The following CDYL2 variants were observed in gnomAD, a reference collection of about 807,000 sequenced individuals.
CDYL2 encodes chromodomain Y like 2, also known as chromodomain Y-like protein 2.
Under a neutral mutation model 49.4 loss-of-function variants are expected in CDYL2, and 23 were observed. The observed-to-expected ratio is 0.47, with a 90% CI of 0.34 to 0.66. The LOEUF (loss-of-function observed/expected upper bound fraction) is 0.66, where lower values mean the gene tolerates loss of function less well. Among genes scored for constraint, CDYL2 ranks in the 30% least tolerant of loss-of-function variants. CDYL2 has a pLI of 0.01. For missense variants in CDYL2, 678 were observed against 656.4 expected (o/e 1.03, Z -0.36); for synonymous variants, 360 against 268.8 (o/e 1.34, Z -3.32).
chr16:80,725,786 C>A (rs897463386), intron 1 of CDYL2, among the ~76,000 whole-genome samples: 1 of 152,226 alleles, frequency 6.6e-6, no homozygotes, highest in East Asian at 1.9e-4. Flanking sequence ...AAGCACGCTG[C>A]CCGCTATTCA....
intron 2 of CDYL2, among the ~76,000 whole-genome samples, chr16:80,654,111 C>T (rs746130271): frequency 6.6e-6 from 1 of 152,148 alleles, no homozygotes; most frequent in Non-Finnish European, 1.5e-5. Context: ...TCTGCTCAGC[C>T]GTGGTGATTT....
intron 1 of CDYL2, among the ~76,000 whole-genome samples, chr16:80,749,247 T>C (rs1416174608): frequency 2.0e-5 from 3 of 152,228 alleles, no homozygotes; most frequent in Admixed American, 1.3e-4. Flanking sequence ...TACCTAGCAA[T>C]GTCTTATTTA....
intron 1 of CDYL2, among the ~76,000 whole-genome samples, chr16:80,730,791 C>T (rs1217947189): frequency 6.6e-6 from 1 of 152,196 alleles, no homozygotes; most frequent in African/African-American, 2.4e-5. Context: ...GAATGAATTA[C>T]TGATACACAC....
intron 1 of CDYL2, among the ~76,000 whole-genome samples, chr16:80,749,623 T>C (rs1222224981): frequency 6.6e-6 from 1 of 152,080 alleles, no homozygotes; most frequent in Non-Finnish European, 1.5e-5. Flanking sequence ...TAATCCAAAT[T>C]ATCAGCTACC....
At chr16:80,704,786 G>T (rs750975749) in intron 1 of CDYL2, among the ~76,000 whole-genome samples, 34 of 152,220 alleles carry the variant, frequency 2.2e-4, no homozygotes, top group Admixed American at 5.2e-4. Context: ...ACAGAGAAAG[G>T]CCACGTGGCT....
intron 1 of CDYL2, among the ~76,000 whole-genome samples, chr16:80,770,468 G>C (rs949848162): frequency 6.6e-6 from 1 of 151,680 alleles, no homozygotes; most frequent in Non-Finnish European, 1.5e-5. Flanking sequence ...ATTGTATGTA[G>C]AAAAACAAAA....
chr16:80,716,756 G>C (rs183852246), intron 1 of CDYL2, among the ~76,000 whole-genome samples: 2 of 152,112 alleles, frequency 1.3e-5, no homozygotes, highest in African/African-American at 2.4e-5. Context: ...ATGGATGATA[G>C]ATGGATGACT....
chr16:80,635,594 C>T lies in CDYL2; in HGVS notation c.617-2358G>A, dbSNP rs139628098. On this transcript the variant is annotated intron_variant, in intron 2 of 6. Coordinates refer to ENST00000570137, the MANE Select transcript of CDYL2 (RefSeq NM_152342.4). Reference sequence around the variant, plus strand: ...CAAACAAATGGAAAAACATTCCATGCTCATGGAAAGGAAGAATCAATATCG... The same window carrying T: ...CAAACAAATGGAAAAACATTCCATGTTCATGGAAAGGAAGAATCAATATCG... Among the ~76,000 whole-genome samples, 5 of 152,268 alleles carry T rather than the reference C, an allele frequency of 3.3e-5. No homozygotes were observed. In the East Asian group the frequency reaches 9.6e-4, roughly 29 times the overall value.
chr16:80,620,999 A>T (rs1397501704), intron 3 of CDYL2, 64 bp from the exon 4 acceptor site: 2 of 1,454,718 alleles, frequency 1.4e-6, no homozygotes, highest in Admixed American at 2.4e-5. Flanking sequence ...GGGCTTTCAG[A>T]CTGCAAGACA....
chr16:80,742,865 G>A (rs1266772411), intron 1 of CDYL2, among the ~76,000 whole-genome samples: 2 of 151,336 alleles, frequency 1.3e-5, no homozygotes, highest in Admixed American at 6.6e-5. Context: ...ATATGAATGG[G>A]TGAGTGGGTA....
At chr16:80,766,559 T>C (rs1351236035) in intron 1 of CDYL2, among the ~76,000 whole-genome samples, 1 of 152,184 alleles carries the variant, frequency 6.6e-6, no homozygotes, top group Non-Finnish European at 1.5e-5. Context: ...TTTTTTATAA[T>C]AACCCAATCC....
intron 6 of CDYL2, among the ~76,000 whole-genome samples, chr16:80,607,375 C>A (rs1171621484): frequency 1.3e-5 from 2 of 152,094 alleles, no homozygotes; most frequent in Non-Finnish European, 2.9e-5. Context: ...AAGGGAGGGG[C>A]AAGGGTCTGG....
chr16:80,610,806 G>T (rs1445176973), intron 5 of CDYL2, among the ~76,000 whole-genome samples: 1 of 152,106 alleles, frequency 6.6e-6, no homozygotes, highest in African/African-American at 2.4e-5. Flanking sequence ...GTCACCTAAG[G>T]GGTGCTTCTC....
intron 2 of CDYL2, among the ~76,000 whole-genome samples, chr16:80,655,840 C>T (rs1445462781): frequency 6.6e-6 from 1 of 152,208 alleles, no homozygotes; most frequent in African/African-American, 2.4e-5. Context: ...AGACTCTGCC[C>T]TCTCACCGAG....
intron 1 of CDYL2, among the ~76,000 whole-genome samples, chr16:80,795,867 T>C (rs1907756020): frequency 6.6e-6 from 1 of 152,192 alleles, no homozygotes; most frequent in South Asian, 2.1e-4. Context: ...AATCAAGGCA[T>C]TTATTTGAAG....
chr16:80,772,203 T>C (rs1906927929), intron 1 of CDYL2, among the ~76,000 whole-genome samples: 1 of 152,016 alleles, frequency 6.6e-6, no homozygotes, highest in South Asian at 2.1e-4. Context: ...ATGAGGAAAA[T>C]TTTACTAAAG....
intron 1 of CDYL2, among the ~76,000 whole-genome samples, chr16:80,769,635 C>T (rs1276120555): frequency 1.3e-5 from 2 of 152,162 alleles, no homozygotes; most frequent in Non-Finnish European, 2.9e-5. Context: ...TCTCCCAGCT[C>T]CCTTCCTCCC....
intron 1 of CDYL2, among the ~76,000 whole-genome samples, chr16:80,796,684 A>G (rs1339768678): frequency 6.6e-6 from 1 of 152,248 alleles, no homozygotes; most frequent in Non-Finnish European, 1.5e-5. Flanking sequence ...GAGAGTGTAT[A>G]GAACTAGAAA....
chr16:80,700,821 C>T (rs1462498071), intron 1 of CDYL2, among the ~76,000 whole-genome samples: 1 of 152,222 alleles, frequency 6.6e-6, no homozygotes, highest in South Asian at 2.1e-4. Context: ...AGCTTTCTCT[C>T]GCCAGTAGGC....
Sources: allele counts gnomAD v4.1 joint callset (sites outside exome capture counted in the v4.1 genomes callset), GRCh38; gene constraint gnomAD v4.1.1; transcripts MANE v1.5; gene names NCBI Gene and HGNC (gene_info 2026-07-23, HGNC 2026-07-21).